KMT2C: variants seen among roughly 807,000 people sequenced by gnomAD.
The protein encoded by KMT2C is histone-lysine N-methyltransferase 2C.
KMT2C carries 88 observed loss-of-function variants against 507.9 expected under a neutral mutation model. That is an observed-to-expected ratio of 0.17 (90% confidence interval 0.15 to 0.21). The LOEUF (loss-of-function observed/expected upper bound fraction) is 0.21, where lower values mean the gene tolerates loss of function less well. KMT2C is among the 10% of genes least tolerant of loss of function. The pLI is 1.00. For missense variants in KMT2C, 4,954 were observed against 5,957.8 expected, an observed-to-expected ratio of 0.83 and a Z score of 5.55; for synonymous variants, 2,049 against 2,080.8, an observed-to-expected ratio of 0.98 and a Z score of 0.42.
intron 6 of KMT2C, among the ~76,000 whole-genome samples, chr7:152,307,191 GAGGGAGGAAGGAAGGAAGGAAGGAAGGA>G (rs2096622764): frequency 1.1e-5 from 1 of 88,116 alleles, no homozygotes; most frequent in Non-Finnish European, 2.3e-5. Context: ...AAGGAAAGAA[GAGGGAGGAAGGAAGGAAGGAAGGAAGGA>G]AGGAAGGAAG....
intron 1 of KMT2C, chr7:152,366,834 A>C: frequency 3.9e-6 from 1 of 254,096 alleles, no homozygotes; most frequent in Non-Finnish European, 7.5e-6. Context: ...CCCATCAGCT[A>C]TGGAGGAGCT....
Position 152,259,446 on chromosome 7 carries a change from GCACACACACACA to G in KMT2C, c.1299+3558_1299+3569del, listed in dbSNP as rs372982101. Among the ~76,000 whole-genome samples the G allele has an allele frequency of 8.2e-4, 110 of 134,788 alleles. 1 individual carries two copies. The highest frequency in any genetic ancestry group is 2.5e-3 in the African/African-American group (89 of 35,628). 88.4% of individuals were successfully genotyped at this position (134,788 alleles called of 152,430 possible). ...GACAAAAACACAGACACACACACGC[GCACACACACACA>G]CACACACACACACACACACACACAC... On this transcript the variant is annotated intron_variant, in intron 9 of 58. Transcript: ENST00000262189.
intron 1 of KMT2C, among the ~76,000 whole-genome samples, chr7:152,417,338 G>C (rs530589182): frequency 6.6e-6 from 1 of 151,980 alleles, no homozygotes; most frequent in Non-Finnish European, 1.5e-5. Flanking sequence ...GGCTGGTCTC[G>C]AACTCCTGAC....
intron 1 of KMT2C, among the ~76,000 whole-genome samples, chr7:152,429,678 G>C (rs1450001604): frequency 6.6e-6 from 1 of 151,536 alleles, no homozygotes; most frequent in South Asian, 2.1e-4. Context: ...CTGCCACCAC[G>C]CCCAGCTAAT....
chr7:152,274,071 A>G (rs1164644264), intron 6 of KMT2C, among the ~76,000 whole-genome samples: 5 of 152,186 alleles, frequency 3.3e-5, no homozygotes, highest in African/African-American at 7.2e-5. Context: ...TCATCCTTCC[A>G]TTCAAATTAG....
intron 22 of KMT2C, among the ~76,000 whole-genome samples, chr7:152,221,329 T>C (rs1253869320): frequency 6.6e-6 from 1 of 152,208 alleles, no homozygotes; most frequent in Non-Finnish European, 1.5e-5. Flanking sequence ...CTAAATGCAA[T>C]GCTCAGCTAA....
At chr7:152,290,113 C>T (rs2096384529) in intron 6 of KMT2C, among the ~76,000 whole-genome samples, 1 of 151,374 alleles carries the variant, frequency 6.6e-6, no homozygotes, top group African/African-American at 2.4e-5. Context: ...ATCTGGATCA[C>T]TCAGTGAACC....
At position 152,145,147 on chromosome 7, in the gene KMT2C, A is replaced by G. The variant is rs371551365; in HGVS notation, c.14174+6T>C. 1.1e-5 allele frequency: 17 copies of G among 1,613,320 alleles called. No homozygotes were observed. In the Admixed American group the frequency reaches 1.2e-4, roughly 11 times the overall value. On this transcript the variant is annotated splice_donor_region_variant and intron_variant, in intron 54 of 58. Coordinates refer to ENST00000262189, the MANE Select transcript of KMT2C (RefSeq NM_170606.3). ...GGCTGTACTATGTGAAGTTAAAACA[A>G]AATACCTTAACACAAACCTCTTGAC...
intron 3 of KMT2C, among the ~76,000 whole-genome samples, chr7:152,316,550 A>G (rs2096724710): frequency 6.6e-6 from 1 of 152,204 alleles, no homozygotes; most frequent in Admixed American, 6.5e-5. Context: ...CAAGATATTT[A>G]CTGCTGCTAT....
chr7:152,416,396 T>G lies in KMT2C; in HGVS notation c.161+19230A>C, dbSNP rs71195645. On this transcript the variant is annotated intron_variant, in intron 1 of 58. Coordinates refer to ENST00000262189, the MANE Select transcript of KMT2C (RefSeq NM_170606.3). ...CCATCTCTATTAAAACTACAAAAAA[T>G]TAGCCGGGCATGGTGGCAGGCACCT... Among the ~76,000 whole-genome samples, 9 of 139,802 alleles carry G rather than the reference T, an allele frequency of 6.4e-5. No individual in the cohort carries two copies. In the East Asian group the frequency reaches 1.9e-3, roughly 30 times the overall value. 91.7% of individuals were successfully genotyped at this position (139,802 alleles called of 152,430 possible). A position where few individuals can be genotyped will look rare whatever the true frequency, so the allele number is the denominator to read the frequency against.
At chr7:152,221,695 T>C (rs1015585935) in intron 22 of KMT2C, among the ~76,000 whole-genome samples, 7 of 152,234 alleles carry the variant, frequency 4.6e-5, no homozygotes, top group African/African-American at 1.7e-4. Context: ...GTTCGCTAAC[T>C]AGGCCGTGTT....
At chr7:152,223,489 C>T (rs936619692) in intron 20 of KMT2C, among the ~76,000 whole-genome samples, 4 of 151,960 alleles carry the variant, frequency 2.6e-5, no homozygotes, top group Non-Finnish European at 5.9e-5. Flanking sequence ...TCAAAAAGGC[C>T]TAAATTAAAA....
At chr7:152,137,150 A>G in intron 58 of KMT2C, 1 of 482,748 alleles carries the variant, frequency 2.1e-6, no homozygotes, top group Non-Finnish European at 3.7e-6. Flanking sequence ...AGATCTGAGA[A>G]CGGGAGCCTG....
intron 1 of KMT2C, among the ~76,000 whole-genome samples, chr7:152,414,624 T>C (rs553644848): frequency 1.3e-5 from 2 of 151,880 alleles, no homozygotes; most frequent in Non-Finnish European, 2.9e-5. Flanking sequence ...TTTTTTTTTT[T>C]AGCTGGGATT....
chr7:152,320,861 A>T (rs1009034463), intron 3 of KMT2C, among the ~76,000 whole-genome samples: 1 of 152,092 alleles, frequency 6.6e-6, no homozygotes, highest in African/African-American at 2.4e-5. Context: ...CATGATACAT[A>T]GCAAGTGACC....
chr7:152,416,780 G>A (rs369301001), intron 1 of KMT2C, among the ~76,000 whole-genome samples: 26 of 151,114 alleles, frequency 1.7e-4, no homozygotes, highest in African/African-American at 5.8e-4. Context: ...AGCCGGGCAC[G>A]GTGGCTCACA....
rs2091579378 is a variant in KMT2C, at chr7:152,151,084, A to C, written c.12667-77T>G. The C allele has an allele frequency of 9.3e-6, 8 of 859,404 alleles. No individual in the cohort carries two copies. The South Asian group carries it at 1.3e-4, about 14-fold the overall frequency. 53.2% of individuals were successfully genotyped at this position (859,404 alleles called of 1,614,324 possible). ...AAAACAGGATCTATACATTATTTTTATGTTATATTCAAAAGTGACAGTGGT... is the reference window on the plus strand; with the variant it reads ...AAAACAGGATCTATACATTATTTTTCTGTTATATTCAAAAGTGACAGTGGT... On this transcript the variant is annotated intron_variant, in intron 50 of 58. Transcript: ENST00000262189.
At chr7:152,385,105 A>C (rs2097411835) in intron 1 of KMT2C, among the ~76,000 whole-genome samples, 1 of 152,260 alleles carries the variant, frequency 6.6e-6, no homozygotes, top group East Asian at 1.9e-4. Context: ...TCTGGTTCTA[A>C]CTACTCATTT....
intron 1 of KMT2C, among the ~76,000 whole-genome samples, chr7:152,377,453 G>A (rs113890252): frequency 6.6e-6 from 1 of 152,132 alleles, no homozygotes; most frequent in South Asian, 2.1e-4. Context: ...AATACATTTC[G>A]GCCAGGTACG....
Sources: allele counts gnomAD v4.1 joint callset (sites outside exome capture counted in the v4.1 genomes callset), GRCh38; gene constraint gnomAD v4.1.1; transcripts MANE v1.5; gene names NCBI Gene and HGNC (gene_info 2026-07-23, HGNC 2026-07-21).